Variants in NBEA observed in about 807,000 individuals in gnomAD.
NBEA encodes neurobeachin, also known as lysosomal-trafficking regulator 2.
NBEA carries 44 observed loss-of-function variants against 343.4 expected under a neutral mutation model. That is an observed-to-expected ratio of 0.13 (90% CI 0.10 to 0.16). NBEA has a LOEUF of 0.16. Ranked by LOEUF, NBEA falls within the 10% of genes least tolerant of loss-of-function variation. The probability of loss-of-function intolerance (pLI) is 1.00; values close to 1 mark genes in which losing one functional copy is unlikely to be tolerated. For synonymous variants in NBEA, 1,175 were observed against 1,238.7 expected (o/e 0.95, Z 1.08); for missense variants, 2,555 against 3,631.3 (o/e 0.70, Z 7.62).
chr13:35,460,289 A>G lies in NBEA; in HGVS notation c.6448+8054A>G, dbSNP rs181555419. Among the ~76,000 whole-genome samples the G allele has an allele frequency of 2.2e-3, 334 of 152,306 alleles. 2 individuals are homozygous for G. Among genetic ancestry groups the G allele is most frequent in the African/African-American group, 7.8e-3 (324 of 41,570 alleles). ...TTTAGTGAAAGCTATTTGATGTTCAAAAAGCCTTATGAGTCTTTATGAGTC... is the reference window on the plus strand; with the variant it reads ...TTTAGTGAAAGCTATTTGATGTTCAGAAAGCCTTATGAGTCTTTATGAGTC... On this transcript the variant is annotated intron_variant, in intron 40 of 58. Transcript: ENST00000379939.
chr13:35,271,756 G>A (rs1054334247), intron 34 of NBEA, among the ~76,000 whole-genome samples: 8 of 152,254 alleles, frequency 5.3e-5, no homozygotes, highest in South Asian at 4.1e-4. Flanking sequence ...AAGGATAGCA[G>A]CAATTGAACA....
intron 40 of NBEA, among the ~76,000 whole-genome samples, chr13:35,467,945 T>C (rs1004579487): frequency 2.0e-5 from 3 of 152,208 alleles, no homozygotes; most frequent in African/African-American, 7.2e-5. Context: ...CTTCTAACAA[T>C]TCCAATTTTA....
chr13:35,448,242 A>G (rs2046141422), intron 39 of NBEA, among the ~76,000 whole-genome samples: 1 of 152,224 alleles, frequency 6.6e-6, no homozygotes, highest in Non-Finnish European at 1.5e-5. Context: ...TTCTTCTACT[A>G]CATTTTCTTC....
At chr13:35,207,501 T>C (rs1018655917) in intron 31 of NBEA, among the ~76,000 whole-genome samples, 2 of 152,168 alleles carry the variant, frequency 1.3e-5, no homozygotes, top group Non-Finnish European at 2.9e-5. Flanking sequence ...AAATGAAGTT[T>C]GCAGTGCTAT....
At chr13:35,010,629 T>C (rs1475138572) in intron 1 of NBEA, among the ~76,000 whole-genome samples, 2 of 141,308 alleles carry the variant, frequency 1.4e-5, no homozygotes, top group Non-Finnish European at 3.0e-5. Context: ...GTGCCTGTAA[T>C]CCCAGCAGCT....
chr13:34,952,358 A>C (rs546199011), intron 1 of NBEA, among the ~76,000 whole-genome samples: 90 of 152,346 alleles, frequency 5.9e-4, no homozygotes, highest in Non-Finnish European at 1.0e-3. Flanking sequence ...TGTACACTAA[A>C]GTGACTTAGC....
chr13:35,604,864 C>G (rs765537911), intron 47 of NBEA, among the ~76,000 whole-genome samples: 1 of 152,186 alleles, frequency 6.6e-6, no homozygotes, highest in Middle Eastern at 3.4e-3. Flanking sequence ...TGGCCCATCT[C>G]CAATGAAGTC....
In NBEA at chr13:35,155,781, C is replaced by T. The variant is rs1398397230; in HGVS notation, c.2453C>T (p.Thr818Ile). The change falls in exon 19 of 59, where the codon ACA becomes ATA. Residue 818 changes from threonine (T) to isoleucine (I), a missense_variant. This residue lies in a region of NBEA where 360 missense variants were observed against 519.1 expected (regional missense o/e 0.69). Transcript: ENST00000379939. ...AAATTCTTCATTTTTCAGATCTTGACAGAACAAGTATGTACTCAGGTCGTA... is the reference window on the plus strand; with the variant it reads ...AAATTCTTCATTTTTCAGATCTTGATAGAACAAGTATGTACTCAGGTCGTA... ...TTYNTLYEIL[T>I]EQVCTQVVHK... 1 of 1,605,970 alleles carries T rather than the reference C, an allele frequency of 6.2e-7. No individual in the cohort carries two copies. The highest frequency in any genetic ancestry group is 8.5e-7 in the Non-Finnish European group (1 of 1,173,272).
chr13:35,173,617 C>T (rs778719595), intron 27 of NBEA, 23 bp downstream of exon 27: 1 of 1,583,936 alleles, frequency 6.3e-7, no homozygotes. Context: ...TTTTTCTTGG[C>T]CAAATATAAT....
chr13:35,047,499 T>C (rs145968040), intron 4 of NBEA, among the ~76,000 whole-genome samples: 1 of 152,020 alleles, frequency 6.6e-6, no homozygotes, highest in African/African-American at 2.4e-5. Flanking sequence ...AGGAAACATA[T>C]TAGTCTGCTA....
At chr13:35,280,739 T>C (rs2034994308) in intron 34 of NBEA, among the ~76,000 whole-genome samples, 2 of 152,122 alleles carry the variant, frequency 1.3e-5, no homozygotes, top group Non-Finnish European at 2.9e-5. Flanking sequence ...TGGATGCCTT[T>C]TATCCTTGGA....
At chr13:35,536,158 T>C (rs1320914715) in intron 41 of NBEA, among the ~76,000 whole-genome samples, 1 of 152,208 alleles carries the variant, frequency 6.6e-6, no homozygotes, top group East Asian at 1.9e-4. Context: ...CCATATTTTA[T>C]GATAGCTTTC....
intron 44 of NBEA, among the ~76,000 whole-genome samples, chr13:35,557,974 A>G (rs1166944476): frequency 6.6e-6 from 1 of 152,170 alleles, no homozygotes; most frequent in East Asian, 1.9e-4. Context: ...CAGATTATAA[A>G]GAGGCTTTTA....
At chr13:34,953,645 C>T (rs1049136021) in intron 1 of NBEA, among the ~76,000 whole-genome samples, 2 of 152,104 alleles carry the variant, frequency 1.3e-5, no homozygotes, top group Non-Finnish European at 2.9e-5. Flanking sequence ...CCTCTGTATC[C>T]ATGGGTTCCA....
At chr13:35,649,925 G>A in intron 52 of NBEA, 78 bp downstream of exon 52, 7 of 1,345,224 alleles carry the variant, frequency 5.2e-6, no homozygotes, top group Non-Finnish European at 5.2e-6. Context: ...ACTGGGACTG[G>A]GATTAGCTCA....
intron 1 of NBEA, among the ~76,000 whole-genome samples, chr13:34,958,797 A>T (rs1447457869): frequency 6.6e-6 from 1 of 152,142 alleles, no homozygotes; most frequent in Middle Eastern, 3.2e-3. Context: ...CAAGAATTGC[A>T]ATAGTTTATC....
chr13:35,239,592 T>C (rs1449515280), intron 34 of NBEA, among the ~76,000 whole-genome samples: 1 of 152,122 alleles, frequency 6.6e-6, no homozygotes, highest in Admixed American at 6.5e-5. Flanking sequence ...TAGGAGAGTT[T>C]AAGTAAAAGC....
At chr13:35,213,004 G>A (rs980986572) in intron 33 of NBEA, among the ~76,000 whole-genome samples, 2 of 151,862 alleles carry the variant, frequency 1.3e-5, no homozygotes, top group African/African-American at 4.8e-5. Context: ...ATCAACAGAA[G>A]TTGTAAATTT....
chr13:35,285,905 G>A (rs556214402), intron 34 of NBEA, among the ~76,000 whole-genome samples: 2 of 152,108 alleles, frequency 1.3e-5, no homozygotes, highest in South Asian at 2.1e-4. Flanking sequence ...CACAGCCTAC[G>A]ACATAACATT....
Sources: gnomAD v4.1 joint callset for allele counts (sites outside exome capture counted in the v4.1 genomes callset) on GRCh38, gnomAD v4.1.1 for gene constraint, gnomAD v4.1.1 regional missense constraint, MANE v1.5 for transcripts, NCBI Gene and HGNC (gene_info 2026-07-23, HGNC 2026-07-21) for gene names.